RPS6KA5: variants seen among roughly 807,000 people sequenced by gnomAD.
The protein encoded by RPS6KA5 is ribosomal protein S6 kinase A5.
In RPS6KA5, 27 loss-of-function variants were observed where a neutral mutation model predicts 85.5. That is an observed-to-expected ratio of 0.32 (90% CI 0.23 to 0.44). The LOEUF (loss-of-function observed/expected upper bound fraction) is 0.44. RPS6KA5 is among the 20% of genes least tolerant of loss of function. RPS6KA5 has a pLI of 1.00. For missense variants in RPS6KA5, 811 were observed against 980.9 expected, an observed-to-expected ratio of 0.83 and a Z score of 2.31; for synonymous variants, 334 against 348.2, an observed-to-expected ratio of 0.96 and a Z score of 0.46.
intron 1 of RPS6KA5, among the ~76,000 whole-genome samples, chr14:91,048,672 T>A (rs1345114900): frequency 1.3e-5 from 2 of 152,214 alleles, no homozygotes; most frequent in Non-Finnish European, 2.9e-5. Flanking sequence ...ACCCTATTCA[T>A]CTTCCCTGAA....
rs1322025435 is a variant in RPS6KA5, at chr14:91,019,642, T to TC, written c.104-18484_104-18483insG. 2.6e-5 allele frequency among the ~76,000 whole-genome samples: 4 copies of TC among 152,286 alleles called. No homozygotes were observed. The East Asian group carries it at 5.8e-4, about 22-fold the overall frequency. The stretch of plus-strand genomic sequence containing the variant: ...TACTTACAATGATTCTATTTACAGT[T>TC]TTTTTTACTTCATAACACTGCAAAA... On this transcript the variant is annotated intron_variant, in intron 1 of 16. Transcript: ENST00000614987.
At position 90,890,597 on chromosome 14, in the gene RPS6KA5, T is replaced by G. The variant is rs745642692; in HGVS notation, c.1726A>C (p.Asn576His). Residue 576 changes from asparagine to histidine, a missense_variant, in exon 14 of 17, where the codon AAT (asparagine) becomes CAT (histidine). Physicochemically the swap from Asn to His is moderately conservative, Grantham distance 68. Coordinates refer to ENST00000614987, the MANE Select transcript of RPS6KA5 (RefSeq NM_004755.4). ...FGFARLKPPD[N>H]QPLKTPCFTL... ...AAGCATGGAGTCTTCAGGGGCTGAT[T>G]ATCCGGTGGCTTTAGCCGTGCAAAT... 1 of 1,614,224 alleles carries G rather than the reference T, an allele frequency of 6.2e-7. No homozygotes were observed. Among genetic ancestry groups the G allele is most frequent in the South Asian group, 1.1e-5 (1 of 91,082 alleles).
chr14:91,013,604 A>G (rs1053368812), intron 1 of RPS6KA5, among the ~76,000 whole-genome samples: 2 of 152,232 alleles, frequency 1.3e-5, no homozygotes, highest in African/African-American at 4.8e-5. Context: ...ACTGCAAGAC[A>G]CCAGGCAGGA....
rs984815701 is a variant in RPS6KA5, at chr14:90,871,874, A to G, written c.*200T>C. On this transcript the variant is annotated 3_prime_UTR_variant, in exon 17 of 17. Coordinates refer to ENST00000614987, the MANE Select transcript of RPS6KA5 (RefSeq NM_004755.4). The stretch of plus-strand genomic sequence containing the variant: ...TCATGCTAGGTTGCTAAAAAGAGTA[A>G]TATGTGCTCTATTCACAGTAACATT... The G allele has an allele frequency of 2.2e-5, 13 of 578,302 alleles. No homozygotes were observed. The Admixed American group carries it at 4.2e-4, about 19-fold the overall frequency. The allele number at this position is 578,302 out of a possible 1,614,324, so 35.8% of individuals were successfully genotyped here. A position where few individuals can be genotyped will look rare whatever the true frequency, so the allele number is the denominator to read the frequency against.
chr14:90,862,156 T>C lies in RPS6KA5; in HGVS notation c.*9918A>G, dbSNP rs1294207933. 6.6e-6 allele frequency: 1 copy of C among 152,060 alleles called. No homozygotes were observed. Among genetic ancestry groups the C allele is most frequent in the Non-Finnish European group, 1.5e-5 (1 of 68,024 alleles). 9.4% of individuals were successfully genotyped at this position (152,060 alleles called of 1,614,324 possible). On this transcript the variant is annotated 3_prime_UTR_variant, in exon 17 of 17. Coordinates refer to ENST00000614987, the MANE Select transcript of RPS6KA5 (RefSeq NM_004755.4). ...CAAAAATGTAAAAGAAATTGTAAGATGGTAGACTTAAAACCAATAATAATT... is the reference window on the plus strand; with the variant it reads ...CAAAAATGTAAAAGAAATTGTAAGACGGTAGACTTAAAACCAATAATAATT...
chr14:90,977,010 T>A (rs2039598558), intron 3 of RPS6KA5, among the ~76,000 whole-genome samples: 1 of 152,176 alleles, frequency 6.6e-6, no homozygotes, highest in Non-Finnish European at 1.5e-5. Flanking sequence ...ATTGGAATGA[T>A]TCAGACTTGA....
intron 8 of RPS6KA5, among the ~76,000 whole-genome samples, chr14:90,905,673 T>G (rs1252151785): frequency 6.6e-6 from 1 of 152,172 alleles, no homozygotes; most frequent in East Asian, 1.9e-4. Context: ...AATATGTAAC[T>G]GAGAAATAGG....
At chr14:90,948,288 CA>C (rs1224382149) in intron 3 of RPS6KA5, among the ~76,000 whole-genome samples, 1 of 152,316 alleles carries the variant, frequency 6.6e-6, no homozygotes, top group African/African-American at 2.4e-5. Flanking sequence ...ACTTATTTAT[CA>C]TTCATTATTT....
rs1323147339 is a variant in RPS6KA5 at position 90,854,449 on chromosome 14, C to T, written c.*17625G>A. The T allele has an allele frequency of 2.6e-5, 4 of 152,100 alleles. No homozygotes were observed. The highest frequency in any genetic ancestry group is 1.3e-4 in the Admixed American group (2 of 15,268). 9.4% of individuals were successfully genotyped at this position (152,100 alleles called of 1,614,324 possible). The stretch of plus-strand genomic sequence containing the variant: ...TAGATTTCACAATGTACACTTGTCT[C>T]AAGTAAGTCTATTTAACTAGAATTT... On this transcript the variant is annotated 3_prime_UTR_variant, in exon 17 of 17. Transcript: ENST00000614987.
At chr14:90,873,869 C>A in intron 15 of RPS6KA5, 74 bp from the exon 16 acceptor site, 1 of 1,313,410 alleles carries the variant, frequency 7.6e-7, no homozygotes, top group Non-Finnish European at 1.1e-6. Context: ...AGAAATAAAT[C>A]TCAGCTATGT....
intron 1 of RPS6KA5, among the ~76,000 whole-genome samples, chr14:91,057,125 C>T (rs1271996378): frequency 4.6e-5 from 7 of 151,494 alleles, no homozygotes; most frequent in East Asian, 1.9e-4. Flanking sequence ...GTGATCCACC[C>T]GCCTCAGCCT....
rs558111371 is a variant in RPS6KA5, at chr14:90,868,786, A to G, written c.*3288T>C. The G allele has an allele frequency of 6.6e-6, 1 of 152,338 alleles. No homozygotes were observed. The highest frequency in any genetic ancestry group is 2.4e-5 in the African/African-American group (1 of 41,572). The allele number at this position is 152,338 out of a possible 1,614,324, so 9.4% of individuals were successfully genotyped here. A position where few individuals can be genotyped will look rare whatever the true frequency, so the allele number is the denominator to read the frequency against. On this transcript the variant is annotated 3_prime_UTR_variant, in exon 17 of 17. Coordinates refer to ENST00000614987, the MANE Select transcript of RPS6KA5 (RefSeq NM_004755.4). ...ATTTGAGAACATAAACTGAGATACA[A>G]AAGGAATTTCCTTACTTTAAAAAAA...
chr14:90,911,615 T>A (rs1158109734), intron 7 of RPS6KA5: 2 of 152,180 alleles, frequency 1.3e-5, no homozygotes, highest in Admixed American at 1.3e-4. Flanking sequence ...TTATGGTGTA[T>A]CCACTCAATA....
At chr14:90,944,367 A>G (rs1207358093) in intron 4 of RPS6KA5, among the ~76,000 whole-genome samples, 1 of 152,220 alleles carries the variant, frequency 6.6e-6, no homozygotes, top group Non-Finnish European at 1.5e-5. Context: ...CTGTAACCCT[A>G]GACTTTGGAA....
At chr14:90,910,792 C>T (rs57489764) in intron 7 of RPS6KA5, among the ~76,000 whole-genome samples, 6,387 of 151,758 alleles carry the variant, frequency 0.042, 410 homozygotes, top group African/African-American at 0.14. Flanking sequence ...TTCACGCCAT[C>T]CTCCTGCCTC....
At chr14:90,904,107 G>A (rs1595172225) in intron 8 of RPS6KA5, among the ~76,000 whole-genome samples, 1 of 152,092 alleles carries the variant, frequency 6.6e-6, no homozygotes, top group Admixed American at 6.6e-5. Flanking sequence ...CCGCCACCAT[G>A]CCCGGCTAAT....
intron 13 of RPS6KA5, 135 bp downstream of exon 13, chr14:90,894,278 T>C (rs898318629): frequency 1.6e-6 from 2 of 1,279,322 alleles, no homozygotes; most frequent in African/African-American, 3.1e-5. Context: ...CAAAGAAACG[T>C]ATTTTCAATT....
chr14:90,867,885 A>C lies in RPS6KA5; in HGVS notation c.*4189T>G, dbSNP rs1395659283. The C allele has an allele frequency of 1.3e-5, 2 of 152,188 alleles. No individual in the cohort carries two copies. Among genetic ancestry groups the C allele is most frequent in the Non-Finnish European group, 2.9e-5 (2 of 68,026 alleles). 9.4% of individuals were successfully genotyped at this position (152,188 alleles called of 1,614,324 possible). On this transcript the variant is annotated 3_prime_UTR_variant, in exon 17 of 17. Transcript: ENST00000614987. Reference sequence around the variant, plus strand: ...GTGGACAACAGCCTTGTGTAGGGGAAGCATTTGGAATGGTAATCAACTACT... The same window carrying C: ...GTGGACAACAGCCTTGTGTAGGGGACGCATTTGGAATGGTAATCAACTACT...
At chr14:90,899,580 C>T (rs1312433342) in intron 11 of RPS6KA5, among the ~76,000 whole-genome samples, 158 bp from the exon 12 acceptor site, 1 of 152,132 alleles carries the variant, frequency 6.6e-6, no homozygotes, top group Non-Finnish European at 1.5e-5. Context: ...AATTATACCA[C>T]ACACTAGAAA....
Sources: gnomAD v4.1 joint callset for allele counts (sites outside exome capture counted in the v4.1 genomes callset) on GRCh38, gnomAD v4.1.1 for gene constraint, MANE v1.5 for transcripts, NCBI Gene and HGNC (gene_info 2026-07-23, HGNC 2026-07-21) for gene names.